ZCCHC4: variants seen among roughly 807,000 people sequenced by gnomAD.
The protein encoded by ZCCHC4 is rRNA N(6)-adenosine-methyltransferase ZCCHC4.
Under a neutral mutation model 67.7 loss-of-function variants are expected in ZCCHC4, and 54 were observed. That is an observed-to-expected ratio of 0.80 (90% CI 0.64 to 1.00). The LOEUF is 1.00. ZCCHC4 is among the 50% of genes least tolerant of loss of function. The probability of loss-of-function intolerance (pLI) is 0.00; values close to 1 mark genes in which losing one functional copy is unlikely to be tolerated. For missense variants in ZCCHC4, 609 were observed against 617.0 expected (o/e 0.99, Z 0.14); for synonymous variants, 198 against 213.5 (o/e 0.93, Z 0.63).
intron 6 of ZCCHC4, among the ~76,000 whole-genome samples, chr4:25,347,917 G>A (rs1278669759): frequency 6.6e-6 from 1 of 152,148 alleles, no homozygotes; most frequent in Non-Finnish European, 1.5e-5. Context: ...AACATTGTAA[G>A]CAAGTATCTA....
chr4:25,340,267 A>G (rs139307059), intron 5 of ZCCHC4, among the ~76,000 whole-genome samples: 1 of 152,274 alleles, frequency 6.6e-6, no homozygotes, highest in Non-Finnish European at 1.5e-5. Context: ...TTCTTTTCCC[A>G]TTGAATTGTC....
At chr4:25,330,312 A>G (rs556553624) in intron 3 of ZCCHC4, among the ~76,000 whole-genome samples, 1 of 152,022 alleles carries the variant, frequency 6.6e-6, no homozygotes, top group East Asian at 1.9e-4. Flanking sequence ...TCTTCTAATC[A>G]TGAGTCATGT....
At chr4:25,358,105 T>C (rs745802902) in intron 8 of ZCCHC4, among the ~76,000 whole-genome samples, 19 of 152,350 alleles carry the variant, frequency 1.2e-4, no homozygotes, top group Non-Finnish European at 2.2e-4. Context: ...ATAGAAGTCA[T>C]GCTTGTTCAC....
intron 12 of ZCCHC4, chr4:25,365,742 C>T: frequency 5.1e-6 from 5 of 985,432 alleles, no homozygotes; most frequent in Middle Eastern, 1.0e-3. Context: ...CTATGGATTA[C>T]AACTCAGAGT....
At chr4:25,360,316 C>T (rs1206653173) in intron 8 of ZCCHC4, among the ~76,000 whole-genome samples, 1 of 152,216 alleles carries the variant, frequency 6.6e-6, no homozygotes, top group Non-Finnish European at 1.5e-5. Flanking sequence ...GGGCATATGC[C>T]CTATAGGTAG....
At chr4:25,361,507 C>T (rs1423859634) in intron 8 of ZCCHC4, among the ~76,000 whole-genome samples, 6 of 152,354 alleles carry the variant, frequency 3.9e-5, no homozygotes, top group Non-Finnish European at 7.4e-5. Context: ...CACATGAGCC[C>T]GTGCTTGGCC....
At chr4:25,346,464 A>G (rs1379207517) in intron 6 of ZCCHC4, among the ~76,000 whole-genome samples, 3 of 152,206 alleles carry the variant, frequency 2.0e-5, no homozygotes, top group African/African-American at 4.8e-5. Context: ...ATATATATCA[A>G]TTTTGTAAAA....
chr4:25,330,982 C>T (rs1393742154), intron 3 of ZCCHC4, among the ~76,000 whole-genome samples: 1 of 152,136 alleles, frequency 6.6e-6, no homozygotes, highest in Non-Finnish European at 1.5e-5. Flanking sequence ...TTTCTGCTCT[C>T]CTGTCCTCCC....
At position 25,359,784 on chromosome 4, in the gene ZCCHC4, C is replaced by A. The variant is rs983025202; in HGVS notation, c.1012-2075C>A. On this transcript the variant is annotated intron_variant, in intron 8 of 12. Coordinates refer to ENST00000302874, the MANE Select transcript of ZCCHC4 (RefSeq NM_024936.3). The surrounding 1 kb of genome is among the most constrained non-coding windows in gnomAD (Gnocchi z 4.9). ...TCTGCGCGACCTGGTCCCACCCTGGCACTCCAGCCTAAAGACTATGTGCTG... is the reference window on the plus strand; with the variant it reads ...TCTGCGCGACCTGGTCCCACCCTGGAACTCCAGCCTAAAGACTATGTGCTG... Among the ~76,000 whole-genome samples, 1 of 152,222 alleles carries A rather than the reference C, an allele frequency of 6.6e-6. No individual in the cohort carries two copies. The highest frequency in any genetic ancestry group is 1.5e-5 in the Non-Finnish European group (1 of 68,050).
At chr4:25,344,077 CAT>C (rs1368223332) in intron 5 of ZCCHC4, among the ~76,000 whole-genome samples, 1 of 152,048 alleles carries the variant, frequency 6.6e-6, no homozygotes, top group Non-Finnish European at 1.5e-5. Context: ...ATGGGGAAAA[CAT>C]ATGGACAGAC....
chr4:25,340,233 T>C (rs1225390011), intron 5 of ZCCHC4, among the ~76,000 whole-genome samples: 4 of 152,180 alleles, frequency 2.6e-5, no homozygotes. Flanking sequence ...CTAGTTGCTC[T>C]AGCACCGTTT....
intron 3 of ZCCHC4, among the ~76,000 whole-genome samples, chr4:25,320,340 G>A (rs1718512937): frequency 6.6e-6 from 1 of 151,852 alleles, no homozygotes; most frequent in Non-Finnish European, 1.5e-5. Flanking sequence ...AAATAGTTTT[G>A]TTTCGTTGAT....
intron 8 of ZCCHC4, chr4:25,352,211 C>T (rs550106168): frequency 2.0e-6 from 2 of 985,526 alleles, no homozygotes; most frequent in South Asian, 4.7e-5. Flanking sequence ...GAGGAAGTTA[C>T]TGGAGTGAGT....
At chr4:25,338,926 G>A (rs1719599251) in intron 5 of ZCCHC4, among the ~76,000 whole-genome samples, 1 of 152,164 alleles carries the variant, frequency 6.6e-6, no homozygotes, top group African/African-American at 2.4e-5. Context: ...TGTTAGGGCT[G>A]CCGTAACAAA....
At chr4:25,335,290 TA>T (rs1329007499) in intron 5 of ZCCHC4, among the ~76,000 whole-genome samples, 1 of 151,692 alleles carries the variant, frequency 6.6e-6, no homozygotes, top group South Asian at 2.1e-4. Context: ...CTACTAAAAA[TA>T]AAAAAAATTA....
intron 3 of ZCCHC4, among the ~76,000 whole-genome samples, chr4:25,327,537 T>C (rs1418638398): frequency 6.6e-6 from 1 of 152,098 alleles, no homozygotes; most frequent in African/African-American, 2.4e-5. Flanking sequence ...TGGAGGGCAG[T>C]GGGACGATCA....
intron 1 of ZCCHC4, 28 bp downstream of exon 1, chr4:25,312,964 C>T: frequency 6.2e-7 from 1 of 1,607,742 alleles, no homozygotes; most frequent in Non-Finnish European, 8.5e-7. Flanking sequence ...CTCAGCCTAA[C>T]TGCCGGGCGC....
At chr4:25,317,322 T>A (rs1944210179) in intron 3 of ZCCHC4, among the ~76,000 whole-genome samples, 1 of 152,186 alleles carries the variant, frequency 6.6e-6, no homozygotes, top group Non-Finnish European at 1.5e-5. Flanking sequence ...TCAGGATAAT[T>A]TGATTGTCCC....
chr4:25,365,575 C>T, intron 12 of ZCCHC4: 1 of 987,986 alleles, frequency 1.0e-6, no homozygotes, highest in Non-Finnish European at 1.2e-6. Context: ...GATTGAATAG[C>T]AAGTAATTCC....
Sources: allele counts gnomAD v4.1 joint callset (sites outside exome capture counted in the v4.1 genomes callset), GRCh38; gene constraint gnomAD v4.1.1; non-coding constraint Gnocchi (gnomAD v3.1); transcripts MANE v1.5; gene names NCBI Gene and HGNC (gene_info 2026-07-23, HGNC 2026-07-21).